The following MME variants were observed in gnomAD, a reference collection of about 807,000 sequenced individuals.
MME encodes membrane metalloendopeptidase.
A neutral mutation model predicts 113.2 loss-of-function variants in MME; 98 were observed. The observed-to-expected ratio is 0.87, with a 90% CI of 0.74 to 1.02. MME has a LOEUF of 1.02. MME is among the 50% of genes least tolerant of loss of function. The probability of loss-of-function intolerance (pLI) is 0.00; values close to 1 mark genes in which losing one functional copy is unlikely to be tolerated. For synonymous variants in MME, 292 were observed against 300.6 expected, an observed-to-expected ratio of 0.97 and a Z score of 0.30; for missense variants, 836 against 896.0, an observed-to-expected ratio of 0.93 and a Z score of 0.86.
intron 1 of MME, chr3:155,081,862 A>T (rs1715180022): frequency 6.6e-6 from 1 of 152,210 alleles, no homozygotes; most frequent in Admixed American, 6.5e-5. Flanking sequence ...AATGCTTTTG[A>T]AAAAAGGCTA....
intron 1 of MME, among the ~76,000 whole-genome samples, chr3:155,083,362 A>G (rs1386880522): frequency 1.3e-5 from 2 of 152,210 alleles, no homozygotes; most frequent in East Asian, 3.8e-4. Flanking sequence ...GAAAGATTTT[A>G]GGAATACAGG....
intron 22 of MME, among the ~76,000 whole-genome samples, chr3:155,177,486 C>G (rs1404859958): frequency 6.6e-6 from 1 of 152,140 alleles, no homozygotes; most frequent in African/African-American, 2.4e-5. Context: ...TCTTTTAATT[C>G]CTACATAAAC....
At chr3:155,148,237 A>T (rs1721672082) in intron 15 of MME, among the ~76,000 whole-genome samples, 2 of 152,292 alleles carry the variant, frequency 1.3e-5, no homozygotes, top group Non-Finnish European at 1.5e-5. Flanking sequence ...CATGGTAAGT[A>T]CTAAAGAAGA....
chr3:155,111,678 C>A (rs1718200615), intron 3 of MME, among the ~76,000 whole-genome samples: 1 of 152,038 alleles, frequency 6.6e-6, no homozygotes, highest in Non-Finnish European at 1.5e-5. Context: ...CTTGTTCATG[C>A]TCTGCTTGTT....
At chr3:155,145,902 G>C (rs929252315) in intron 14 of MME, among the ~76,000 whole-genome samples, 2 of 152,076 alleles carry the variant, frequency 1.3e-5, no homozygotes, top group African/African-American at 4.8e-5. Flanking sequence ...AAATGGGTTT[G>C]GCCTCAGTGA....
chr3:155,057,078 A>C (rs1286156175), intron 1 of MME, among the ~76,000 whole-genome samples: 5 of 152,232 alleles, frequency 3.3e-5, no homozygotes, highest in African/African-American at 1.2e-4. Flanking sequence ...ATGGCAATAA[A>C]AGCCAAAACT....
intron 1 of MME, among the ~76,000 whole-genome samples, chr3:155,068,861 G>T (rs147526114): frequency 2.0e-5 from 3 of 152,196 alleles, no homozygotes; most frequent in African/African-American, 7.2e-5. Flanking sequence ...GAAAATAAGA[G>T]AATAGAATTT....
intron 1 of MME, chr3:155,081,710 G>A (rs1715167335): frequency 6.6e-6 from 1 of 151,802 alleles, no homozygotes; most frequent in Non-Finnish European, 1.5e-5. Flanking sequence ...GGTATTTGGG[G>A]TTTAGTCATA....
At chr3:155,160,118 C>T (rs1332376758) in intron 16 of MME, among the ~76,000 whole-genome samples, 1 of 151,956 alleles carries the variant, frequency 6.6e-6, no homozygotes, top group African/African-American at 2.4e-5. Context: ...TGAAGTGATA[C>T]ATTTTAATAG....
intron 22 of MME, among the ~76,000 whole-genome samples, chr3:155,175,337 T>A (rs1712412644): frequency 6.6e-6 from 1 of 151,900 alleles, no homozygotes; most frequent in Non-Finnish European, 1.5e-5. Context: ...GTTCCCTAAT[T>A]CCTCCATTTT....
At chr3:155,097,513 A>C (rs572939029) in intron 3 of MME, among the ~76,000 whole-genome samples, 11 of 152,312 alleles carry the variant, frequency 7.2e-5, no homozygotes, top group African/African-American at 2.4e-4. Flanking sequence ...AGAAAGGAAG[A>C]CATTGAAGAT....
chr3:155,159,661 T>C (rs944302439), intron 16 of MME, among the ~76,000 whole-genome samples: 2 of 152,070 alleles, frequency 1.3e-5, no homozygotes, highest in African/African-American at 4.8e-5. Flanking sequence ...TTTATGCATT[T>C]TTCTCATCTC....
upstream of MME, among the ~76,000 whole-genome samples, chr3:155,075,556 T>G (rs1714718103): frequency 6.6e-6 from 1 of 152,242 alleles, no homozygotes; most frequent in Admixed American, 6.5e-5. Flanking sequence ...TCTGCAAAAC[T>G]TGACCTTATG....
At chr3:155,084,557 C>T (rs987495760) in intron 2 of MME, among the ~76,000 whole-genome samples, 5 of 152,132 alleles carry the variant, frequency 3.3e-5, no homozygotes, top group Admixed American at 6.5e-5. Flanking sequence ...AGTGCGCTCA[C>T]GCTTACTTAT....
At chr3:155,174,697 A>G (rs927833116) in intron 22 of MME, among the ~76,000 whole-genome samples, 3 of 152,140 alleles carry the variant, frequency 2.0e-5, no homozygotes, top group African/African-American at 7.2e-5. Flanking sequence ...ACAAAGCTGC[A>G]TCATAAAACC....
chr3:155,144,919 C>T (rs561145304), intron 14 of MME, among the ~76,000 whole-genome samples: 2 of 152,158 alleles, frequency 1.3e-5, no homozygotes, highest in Non-Finnish European at 1.5e-5. Context: ...GGAACATGTC[C>T]TGTGAAAACT....
At chr3:155,107,246 GGGA>G (rs1486974384) in intron 3 of MME, among the ~76,000 whole-genome samples, 1 of 151,894 alleles carries the variant, frequency 6.6e-6, no homozygotes, top group Admixed American at 6.6e-5. Flanking sequence ...CCAGCTACTT[GGGA>G]GGCTGAGGCA....
chr3:155,148,628 C>T lies in MME; in HGVS notation c.1576C>T (p.Leu526Phe). Residue 526 changes from leucine to phenylalanine, a missense_variant, in exon 16 of 23, where the codon CTC (leucine) becomes TTC (phenylalanine). Transcript: ENST00000360490. The part of the protein sequence containing the change: ...KFSQSKQLKK[L>F]REKVDKDEWI... ...CAGCCAAAGTAAACAACTGAAGAAG[C>T]TCCGAGAAAAGGTGGACAAAGATGA... is the stretch of plus-strand genomic sequence containing the variant. 6.2e-7 allele frequency: 1 copy of T among 1,612,482 alleles called. No homozygotes were observed. The highest frequency in any genetic ancestry group is 8.5e-7 in the Non-Finnish European group (1 of 1,178,840).
intron 1 of MME, among the ~76,000 whole-genome samples, chr3:155,037,157 T>C (rs578015999): frequency 6.6e-6 from 1 of 152,338 alleles, no homozygotes; most frequent in African/African-American, 2.4e-5. Context: ...GACCCTCTAG[T>C]AAGTGGCAAT....
Sources: allele counts gnomAD v4.1 joint callset (sites outside exome capture counted in the v4.1 genomes callset), GRCh38; gene constraint gnomAD v4.1.1; transcripts MANE v1.5; gene names NCBI Gene and HGNC (gene_info 2026-07-23, HGNC 2026-07-21).